Variants in RAB11FIP5 observed in about 807,000 individuals in gnomAD.
RAB11FIP5 encodes the protein rab11 family-interacting protein 5.
A neutral mutation model predicts 85.1 loss-of-function variants in RAB11FIP5; 48 were observed. That is an observed-to-expected ratio of 0.56 (90% CI 0.45 to 0.72). The LOEUF (loss-of-function observed/expected upper bound fraction) is 0.72, where lower values mean the gene tolerates loss of function less well. Ranked by LOEUF, RAB11FIP5 falls within the 30% of genes least tolerant of loss-of-function variation. The pLI, the probability that RAB11FIP5 is intolerant of heterozygous loss-of-function variation, is 0.00. For missense variants in RAB11FIP5, 1,491 were observed against 1,687.0 expected (o/e 0.88, Z 2.04); for synonymous variants, 729 against 727.3 (o/e 1.00, Z -0.04).
At chr2:73,109,185 G>T (rs1010018311) in intron 1 of RAB11FIP5, among the ~76,000 whole-genome samples, 2 of 152,184 alleles carry the variant, frequency 1.3e-5, no homozygotes, top group African/African-American at 4.8e-5. Context: ...GTTTCCTTGT[G>T]TACTACCATT....
rs548195459 is a variant in RAB11FIP5 at position 73,097,757 on chromosome 2, C to G, written c.432-8442G>C. 1.2e-4 allele frequency among the ~76,000 whole-genome samples: 18 copies of G among 152,308 alleles called. No homozygotes were observed. The East Asian group carries it at 2.9e-3, about 25-fold the overall frequency. On this transcript the variant is annotated intron_variant, in intron 1 of 5. Transcript: ENST00000486777. ...AGGGAGGTTTCCAGAATGAGACCTT[C>G]TTTAATTGTGAGACACTTCCTCAGC...
intron 1 of RAB11FIP5, among the ~76,000 whole-genome samples, chr2:73,107,268 T>C (rs1278210580): frequency 6.6e-6 from 1 of 152,252 alleles, no homozygotes; most frequent in Non-Finnish European, 1.5e-5. Context: ...ACAGCTTCTG[T>C]TCTTGTATTC....
At chr2:73,091,878 G>A (rs763337586) in intron 1 of RAB11FIP5, among the ~76,000 whole-genome samples, 1 of 152,196 alleles carries the variant, frequency 6.6e-6, no homozygotes, top group Non-Finnish European at 1.5e-5. Flanking sequence ...CCCCTGAGAA[G>A]GCCGGGTAGG....
Position 73,081,557 on chromosome 2 carries a change from G to C in RAB11FIP5, c.1675C>G (p.Pro559Ala). 8.3e-7 allele frequency: 1 copy of C among 1,208,276 alleles called. No individual in the cohort carries two copies. Among genetic ancestry groups the C allele is most frequent in the Non-Finnish European group, 1.0e-6 (1 of 966,002 alleles). The allele number at this position is 1,208,276 out of a possible 1,614,324, so 74.8% of individuals were successfully genotyped here. ...APPTPAPTAA[P>A]MLSTNLFAAA... ...GCAAAAAGGTTAGTGCTTAGCATGGGAGCAGCAGTGGGAGCAGGAGTGGGA... is the reference window on the plus strand; with the variant it reads ...GCAAAAAGGTTAGTGCTTAGCATGGCAGCAGCAGTGGGAGCAGGAGTGGGA... Residue 559 changes from proline (P) to alanine (A), a missense_variant, in exon 4 of 6, where the codon CCC becomes GCC. By Grantham distance (27) the Pro-to-Ala change is conservative (BLOSUM62 -1). Transcript: ENST00000486777. The surrounding 1 kb of genome is among the most constrained non-coding windows in gnomAD (Gnocchi z 4.2).
At chr2:73,109,104 A>G (rs908222560) in intron 1 of RAB11FIP5, among the ~76,000 whole-genome samples, 39 of 152,240 alleles carry the variant, frequency 2.6e-4, no homozygotes, top group African/African-American at 9.4e-4. Context: ...GCAGAGAAGC[A>G]TCCAGGATTT....
intron 1 of RAB11FIP5, among the ~76,000 whole-genome samples, chr2:73,103,826 C>A (rs1430351): frequency 6.6e-6 from 1 of 151,954 alleles, no homozygotes; most frequent in Admixed American, 6.6e-5. Flanking sequence ...GGAGAGAACC[C>A]GCAAGATGAC....
At chr2:73,094,691 G>A (rs542769596) in intron 1 of RAB11FIP5, among the ~76,000 whole-genome samples, 1 of 152,168 alleles carries the variant, frequency 6.6e-6, no homozygotes, top group African/African-American at 2.4e-5. Context: ...CTCTCCACCT[G>A]GGCTTGTCCT....
chr2:73,088,825 C>T (rs1684147109), intron 2 of RAB11FIP5, 54 bp downstream of exon 2: 8 of 1,537,788 alleles, frequency 5.2e-6, no homozygotes, highest in Non-Finnish European at 7.0e-6. Context: ...CATCACCACC[C>T]AAGGGGAGAG....
chr2:73,097,926 T>C (rs1684353243), intron 1 of RAB11FIP5, among the ~76,000 whole-genome samples: 1 of 151,422 alleles, frequency 6.6e-6, no homozygotes, highest in African/African-American at 2.4e-5. Context: ...CCACTGATCT[T>C]ATCCCCATTA....
At chr2:73,085,613 A>G (rs1684078173) in intron 3 of RAB11FIP5, among the ~76,000 whole-genome samples, 1 of 152,166 alleles carries the variant, frequency 6.6e-6, no homozygotes, top group Non-Finnish European at 1.5e-5. Flanking sequence ...GCTCCAGCAC[A>G]CACTGGTAGG....
Position 73,081,733 on chromosome 2 carries a change from C to T in RAB11FIP5, c.1569-70G>A, listed in dbSNP as rs1185773772. On this transcript the variant is annotated intron_variant, in intron 3 of 5. Coordinates refer to ENST00000486777, the MANE Select transcript of RAB11FIP5 (RefSeq NM_001371272.1). This position sits in a 1 kb window ranked among gnomAD's most constrained non-coding sequence, Gnocchi z 4.2. Reference sequence around the variant, plus strand: ...ACTGGAAAGGCCCCTGAGTCCCACGCCCCACCCCCTGCTTCGGGACCAGGG... The same window carrying T: ...ACTGGAAAGGCCCCTGAGTCCCACGTCCCACCCCCTGCTTCGGGACCAGGG... 2.0e-5 allele frequency: 24 copies of T among 1,198,606 alleles called. No individual in the cohort carries two copies. The highest frequency in any genetic ancestry group is 2.4e-5 in the Non-Finnish European group (23 of 957,622). 74.2% of individuals were successfully genotyped at this position (1,198,606 alleles called of 1,614,324 possible).
rs923254046 is a variant in RAB11FIP5 at position 73,081,389 on chromosome 2, C to T, written c.1843G>A (p.Asp615Asn). The stretch of plus-strand genomic sequence containing the variant: ...GGTGAAGGAGAGTTTAGTGCTATGT[C>T]GGCTATGAGCTCCTCGAAGAAGGGG... ...SNPFFEELIA[D>N]IALNSPSPAP... Residue 615 changes from aspartate (D) to asparagine (N), a missense_variant, in exon 4 of 6, where the codon GAC (aspartate) becomes AAC (asparagine). Asp to Asn is a conservative substitution (Grantham distance 23). Coordinates refer to ENST00000486777, the MANE Select transcript of RAB11FIP5 (RefSeq NM_001371272.1). This position sits in a 1 kb window ranked among gnomAD's most constrained non-coding sequence, Gnocchi z 4.2. The T allele has an allele frequency of 1.6e-5, 20 of 1,232,334 alleles. No individual in the cohort carries two copies. In the Admixed American group the frequency reaches 1.7e-4, roughly 10 times the overall value. 76.3% of individuals were successfully genotyped at this position (1,232,334 alleles called of 1,614,324 possible).
At chr2:73,085,403 G>A (rs190014136) in intron 3 of RAB11FIP5, among the ~76,000 whole-genome samples, 2 of 152,290 alleles carry the variant, frequency 1.3e-5, no homozygotes, top group East Asian at 3.9e-4. Flanking sequence ...GGGGAACAAG[G>A]GAACACAAGG....
In RAB11FIP5 at chr2:73,080,783, G is replaced by C; in HGVS notation, c.2449C>G (p.Arg817Gly). Residue 817 changes from arginine to glycine, a missense_variant, in exon 4 of 6, where the codon CGA (arginine) becomes GGA (glycine). Coordinates refer to ENST00000486777, the MANE Select transcript of RAB11FIP5 (RefSeq NM_001371272.1). Reference sequence around the variant, plus strand: ...TCAGGGCAAAGCTGATTTTCGCCTCGGGAGGACTCATCGTCCTGGCCCTCA... The same window carrying C: ...TCAGGGCAAAGCTGATTTTCGCCTCCGGAGGACTCATCGTCCTGGCCCTCA... ...AAEGQDDESS[R>G]GENQLCPDVE... The C allele has an allele frequency of 8.1e-7, 1 of 1,232,418 alleles. No individual in the cohort carries two copies. Among genetic ancestry groups the C allele is most frequent in the Admixed American group, 4.2e-5 (1 of 23,718 alleles). The allele number at this position is 1,232,418 out of a possible 1,614,324, so 76.3% of individuals were successfully genotyped here. A position where few individuals can be genotyped will look rare whatever the true frequency, so the allele number is the denominator to read the frequency against.
At chr2:73,100,396 C>T (rs1684404384) in intron 1 of RAB11FIP5, among the ~76,000 whole-genome samples, 1 of 150,076 alleles carries the variant, frequency 6.7e-6, no homozygotes, top group African/African-American at 2.5e-5. Flanking sequence ...CATCACCAAA[C>T]TGAAAAATAA....
chr2:73,075,346 CA>C lies in RAB11FIP5; in HGVS notation c.*174del. On this transcript the variant is annotated 3_prime_UTR_variant, in exon 6 of 6. Transcript: ENST00000486777. This position sits in a 1 kb window ranked among gnomAD's most constrained non-coding sequence, Gnocchi z 4.6. ...AGTTGTGCACAGAACCTGATGCCTC[CA>C]AAGGGAATCCAGAGGGCCCCCTTCC... 2.7e-6 allele frequency: 2 copies of C among 739,382 alleles called. No individual in the cohort carries two copies. The highest frequency in any genetic ancestry group is 4.8e-6 in the Non-Finnish European group (2 of 415,570). 45.8% of individuals were successfully genotyped at this position (739,382 alleles called of 1,614,324 possible).
chr2:73,089,501 A>G lies in RAB11FIP5; in HGVS notation c.432-186T>C. The stretch of plus-strand genomic sequence containing the variant: ...TCAGATGCAGCTGAGAAACTATCCA[A>G]AACATTTCCATGATGGAGAAAACCA... On this transcript the variant is annotated intron_variant, in intron 1 of 5. Coordinates refer to ENST00000486777, the MANE Select transcript of RAB11FIP5 (RefSeq NM_001371272.1). This position sits in a 1 kb window ranked among gnomAD's most constrained non-coding sequence, Gnocchi z 4.6. 1 of 703,816 alleles carries G rather than the reference A, an allele frequency of 1.4e-6. No individual in the cohort carries two copies. Among genetic ancestry groups the G allele is most frequent in the Non-Finnish European group, 2.5e-6 (1 of 393,666 alleles). 43.6% of individuals were successfully genotyped at this position (703,816 alleles called of 1,614,324 possible).
chr2:73,109,597 C>G (rs1371789537), intron 1 of RAB11FIP5, among the ~76,000 whole-genome samples: 3 of 152,208 alleles, frequency 2.0e-5, no homozygotes, highest in Admixed American at 6.5e-5. Flanking sequence ...CCAGGCAGGG[C>G]TGCCAGGGAG....
chr2:73,103,394 G>C (rs920909845), intron 1 of RAB11FIP5, among the ~76,000 whole-genome samples: 1 of 152,138 alleles, frequency 6.6e-6, no homozygotes, highest in Non-Finnish European at 1.5e-5. Context: ...TAATGCTGTA[G>C]GCTCCAAAGG....
Sources: allele counts gnomAD v4.1 joint callset (sites outside exome capture counted in the v4.1 genomes callset), GRCh38; gene constraint gnomAD v4.1.1; non-coding constraint Gnocchi (gnomAD v3.1); transcripts MANE v1.5; gene names NCBI Gene and HGNC (gene_info 2026-07-23, HGNC 2026-07-21).